SLC39A11: variants seen among roughly 807,000 people sequenced by gnomAD.
The protein encoded by SLC39A11 is zinc transporter ZIP11.
In SLC39A11, 33 loss-of-function variants were observed where a neutral mutation model predicts 36.1. The ratio of observed to expected loss-of-function variants is 0.91; its 90% CI spans 0.69 to 1.22. The LOEUF (loss-of-function observed/expected upper bound fraction) is 1.22. Among genes scored for constraint, SLC39A11 ranks in the 50% most tolerant of loss-of-function variants. SLC39A11 has a pLI of 0.00. For synonymous variants in SLC39A11, 166 were observed against 170.3 expected (o/e 0.97, Z 0.20); for missense variants, 432 against 430.3 (o/e 1.00, Z -0.03).
intron 4 of SLC39A11, among the ~76,000 whole-genome samples, chr17:72,951,891 C>CA (rs1378234387): frequency 6.6e-6 from 1 of 152,134 alleles, no homozygotes; most frequent in Non-Finnish European, 1.5e-5. Flanking sequence ...TCTTCCCCTC[C>CA]ATCTCTTTTC....
At chr17:72,778,033 T>C (rs1412917735) in intron 6 of SLC39A11, among the ~76,000 whole-genome samples, 1 of 152,144 alleles carries the variant, frequency 6.6e-6, no homozygotes, top group African/African-American at 2.4e-5. Flanking sequence ...GCCTCCTGAA[T>C]AGCTGGGATT....
intron 4 of SLC39A11, among the ~76,000 whole-genome samples, chr17:73,010,511 A>G (rs2090452870): frequency 6.6e-6 from 1 of 152,130 alleles, no homozygotes; most frequent in Non-Finnish European, 1.5e-5. Flanking sequence ...AACTTTTTTA[A>G]AAGTACCTAG....
intron 5 of SLC39A11, among the ~76,000 whole-genome samples, chr17:72,901,009 T>C (rs1598344654): frequency 6.7e-6 from 1 of 148,636 alleles, no homozygotes; most frequent in Non-Finnish European, 1.5e-5. Context: ...AAAAACACGA[T>C]GCTGCCCTCC....
At chr17:72,967,399 A>AGTGTGTGTGTGTGT (rs1555655753) in intron 4 of SLC39A11, among the ~76,000 whole-genome samples, 4 of 138,198 alleles carry the variant, frequency 2.9e-5, no homozygotes, top group African/African-American at 1.1e-4. Flanking sequence ...AGAGAGAGAG[A>AGTGTGTGTGTGTGT]GTGTGTGTGT....
chr17:72,870,035 T>C (rs80293173), intron 5 of SLC39A11, among the ~76,000 whole-genome samples: 1,843 of 150,822 alleles, frequency 0.012, 52 homozygotes, highest in African/African-American at 0.038. Flanking sequence ...TCTTCTTCTT[T>C]TTTTTTTGTT....
At chr17:72,796,350 G>A (rs566138824) in intron 6 of SLC39A11, among the ~76,000 whole-genome samples, 47 of 152,276 alleles carry the variant, frequency 3.1e-4, no homozygotes, top group Non-Finnish European at 5.4e-4. Flanking sequence ...CCAGCCAGTA[G>A]GTTTTTCCTG....
At chr17:72,753,070 C>A (rs1007543510) in intron 6 of SLC39A11, among the ~76,000 whole-genome samples, 2 of 152,010 alleles carry the variant, frequency 1.3e-5, no homozygotes, top group Admixed American at 6.6e-5. Context: ...GTTGGCCAGG[C>A]TGGTCTCGAA....
At chr17:73,013,207 C>T (rs2090621291) in intron 4 of SLC39A11, among the ~76,000 whole-genome samples, 1 of 152,206 alleles carries the variant, frequency 6.6e-6, no homozygotes, top group Non-Finnish European at 1.5e-5. Context: ...CCTGCCTCAG[C>T]CTCCCGAGTA....
At chr17:72,747,826 G>C (rs934029961) in intron 6 of SLC39A11, among the ~76,000 whole-genome samples, 1 of 152,190 alleles carries the variant, frequency 6.6e-6, no homozygotes, top group Non-Finnish European at 1.5e-5. Flanking sequence ...GAACCAGCCA[G>C]GTATTATTGC....
At chr17:72,681,841 T>C (rs576803042) in intron 7 of SLC39A11, among the ~76,000 whole-genome samples, 8 of 152,336 alleles carry the variant, frequency 5.3e-5, no homozygotes, top group African/African-American at 1.9e-4. Flanking sequence ...TAATATTTTC[T>C]TTTTTCTCAT....
rs184844341 is a variant in SLC39A11 at position 73,024,972 on chromosome 17, T to C, written c.306+6584A>G. ...CTCAACTGATCCACCCACCTCGGCCTCCCAAAATGCTGAGATTATAGGCAT... is the reference window on the plus strand; with the variant it reads ...CTCAACTGATCCACCCACCTCGGCCCCCCAAAATGCTGAGATTATAGGCAT... On this transcript the variant is annotated intron_variant, in intron 4 of 9. Coordinates refer to ENST00000255559, the MANE Select transcript of SLC39A11 (RefSeq NM_139177.4). Among the ~76,000 whole-genome samples, 410 of 147,216 alleles carry C rather than the reference T, an allele frequency of 2.8e-3. 1 individual carries two copies. Among genetic ancestry groups the C allele is most frequent in the East Asian group, 0.018 (89 of 4,874 alleles).
At chr17:73,078,898 A>G (rs984883147) in intron 3 of SLC39A11, among the ~76,000 whole-genome samples, 4 of 151,956 alleles carry the variant, frequency 2.6e-5, no homozygotes, top group Admixed American at 2.6e-4. Context: ...AAACAAGCCT[A>G]TGTTTCTTTG....
intron 5 of SLC39A11, among the ~76,000 whole-genome samples, chr17:72,860,460 G>A (rs953329898): frequency 3.9e-5 from 6 of 152,196 alleles, no homozygotes; most frequent in African/African-American, 7.2e-5. Context: ...CACAGTTTAT[G>A]AGTCTGTCAT....
intron 6 of SLC39A11, among the ~76,000 whole-genome samples, chr17:72,759,910 C>T (rs755373736): frequency 3.3e-5 from 5 of 152,216 alleles, no homozygotes; most frequent in Middle Eastern, 3.4e-3. Context: ...GTTACCTGTG[C>T]GGGGCCCCCT....
At chr17:72,668,973 C>T (rs998856313) in intron 7 of SLC39A11, among the ~76,000 whole-genome samples, 25 of 152,070 alleles carry the variant, frequency 1.6e-4, no homozygotes, top group African/African-American at 3.6e-4. Flanking sequence ...ACAAATAAAA[C>T]GATACAAGGG....
At chr17:72,757,204 G>GA (rs2075389712) in intron 6 of SLC39A11, among the ~76,000 whole-genome samples, 1 of 151,366 alleles carries the variant, frequency 6.6e-6, no homozygotes, top group African/African-American at 2.4e-5. Flanking sequence ...AAAATAAAAA[G>GA]AAAAAAGTGG....
At chr17:72,659,920 C>A (rs958490511) in intron 7 of SLC39A11, among the ~76,000 whole-genome samples, 11 of 152,046 alleles carry the variant, frequency 7.2e-5, no homozygotes, top group Admixed American at 5.2e-4. Flanking sequence ...TCTTTCTTAG[C>A]TGAACCTGCT....
intron 6 of SLC39A11, among the ~76,000 whole-genome samples, chr17:72,810,081 CAACA>C (rs1448972032): frequency 0.012 from 562 of 45,914 alleles, 1 homozygote; most frequent in Non-Finnish European, 0.018. Context: ...AAAACAAAAA[CAACA>C]AAAAAAAAAA....
chr17:73,011,077 T>TACACAGGC (rs11282069), intron 4 of SLC39A11, among the ~76,000 whole-genome samples: 115,919 of 151,326 alleles, frequency 0.77, 46,218 homozygotes, highest in South Asian at 0.9. Flanking sequence ...AGGCCCCCGG[T>TACACAGGC]ACACAGGCAC....
Sources: allele counts gnomAD v4.1 joint callset (sites outside exome capture counted in the v4.1 genomes callset), GRCh38; gene constraint gnomAD v4.1.1; transcripts MANE v1.5; gene names NCBI Gene and HGNC (gene_info 2026-07-23, HGNC 2026-07-21).